Variants in TRANK1 observed in about 807,000 individuals in gnomAD.
The protein encoded by TRANK1 is tetratricopeptide repeat and ankyrin repeat containing 1.
Under a neutral mutation model 266.0 loss-of-function variants are expected in TRANK1, and 198 were observed. The ratio of observed to expected loss-of-function variants is 0.74; its 90% confidence interval spans 0.66 to 0.84. The LOEUF is 0.84. Among genes scored for constraint, TRANK1 ranks in the 40% least tolerant of loss-of-function variants. The pLI is 0.00. For missense variants in TRANK1, 3,326 were observed against 3,634.6 expected, an observed-to-expected ratio of 0.92 and a Z score of 2.18; for synonymous variants, 1,396 against 1,384.1, an observed-to-expected ratio of 1.01 and a Z score of -0.19.
In TRANK1 at chr3:36,856,238, C is replaced by A. The variant is rs747615611; in HGVS notation, c.3484G>T (p.Ala1162Ser). Residue 1162 changes from alanine to serine, a missense_variant, in exon 13 of 24, where the codon GCA (alanine) becomes TCA (serine). By Grantham distance (99) the Ala-to-Ser change is moderately conservative (BLOSUM62 1). Transcript: ENST00000645898. ...GCTGGCTCCACACCGGCTCCTCCTG[C>A]GCAGGCTTCATACTCCTGCTCATCT... Reference protein sequence around the residue: ...SIDEQEYEACAGGAGVEPAGD... With the variant: ...SIDEQEYEACSGGAGVEPAGD... 1 of 1,613,322 alleles carries A rather than the reference C, an allele frequency of 6.2e-7. No homozygotes were observed. Among genetic ancestry groups the A allele is most frequent in the Non-Finnish European group, 8.5e-7 (1 of 1,179,514 alleles).
At chr3:36,927,169 G>C (rs1016447114) in intron 1 of TRANK1, among the ~76,000 whole-genome samples, 9 of 152,224 alleles carry the variant, frequency 5.9e-5, no homozygotes, top group Admixed American at 3.9e-4. Context: ...CAGGGACTGA[G>C]GCCCATGTAA....
intron 1 of TRANK1, among the ~76,000 whole-genome samples, chr3:36,934,012 A>G (rs558981613): frequency 6.6e-6 from 1 of 152,048 alleles, no homozygotes; most frequent in South Asian, 2.1e-4. Context: ...GCCCTAAGAA[A>G]CCCTTTTCAG....
At chr3:36,932,699 GTA>G (rs1244990215) in intron 1 of TRANK1, among the ~76,000 whole-genome samples, 1 of 152,358 alleles carries the variant, frequency 6.6e-6, no homozygotes, top group East Asian at 1.9e-4. Flanking sequence ...GCTTAAGGAT[GTA>G]TGTGTGTGTG....
At chr3:36,845,682 A>G (rs1249056853) in intron 17 of TRANK1, among the ~76,000 whole-genome samples, 5 of 152,192 alleles carry the variant, frequency 3.3e-5, no homozygotes, top group Non-Finnish European at 7.3e-5. Flanking sequence ...ATCTTTCCTT[A>G]GCAGTAAATG....
At chr3:36,897,713 G>A (rs1481642578) in intron 4 of TRANK1, among the ~76,000 whole-genome samples, 1 of 152,234 alleles carries the variant, frequency 6.6e-6, no homozygotes, top group African/African-American at 2.4e-5. Context: ...AAATCAGGAT[G>A]TCTTACAATC....
intron 8 of TRANK1, among the ~76,000 whole-genome samples, chr3:36,883,071 G>GA (rs2079553184): frequency 6.6e-6 from 1 of 151,922 alleles, no homozygotes; most frequent in African/African-American, 2.4e-5. Flanking sequence ...ATGAAAAGTT[G>GA]ATAATATCTA....
At position 36,917,235 on chromosome 3, in the gene TRANK1, T is replaced by C. The variant is rs140690822; in HGVS notation, c.24-8781A>G. ...TACCACTGCATCTAATGGGGCAAAG[T>C]ATATGCTCTATAAAGCACATAAATT... On this transcript the variant is annotated intron_variant, in intron 1 of 23. Coordinates refer to ENST00000645898, the MANE Select transcript of TRANK1 (RefSeq NM_001329998.2). Among the ~76,000 whole-genome samples, 47 of 152,314 alleles carry C rather than the reference T, an allele frequency of 3.1e-4. No homozygotes were observed. In the East Asian group the frequency reaches 6.4e-3, roughly 21 times the overall value.
chr3:36,858,864 T>C lies in TRANK1; in HGVS notation c.1526A>G (p.Glu509Gly). Residue 509 changes from glutamate to glycine, a missense_variant, in exon 12 of 24, where the codon GAG (glutamate) becomes GGG (glycine). Glu to Gly is a moderately conservative substitution (Grantham distance 98, BLOSUM62 -2). Transcript: ENST00000645898. Reference protein sequence around the residue: ...ALPDGLQESQERPVVTCLKHE... With the variant: ...ALPDGLQESQGRPVVTCLKHE... ...TTTCAGGCACGTGACAACTGGCCTC[T>C]CCTGGCTCTCCTGAAGACCATCAGG... The C allele has an allele frequency of 6.5e-7, 1 of 1,536,804 alleles. No homozygotes were observed. The highest frequency in any genetic ancestry group is 1.2e-5 in the South Asian group (1 of 83,986).
In TRANK1 at chr3:36,861,071, C is replaced by T; in HGVS notation, c.1330G>A (p.Val444Met). The change falls in exon 11 of 24, where the codon GTG (valine) becomes ATG (methionine). Residue 444 changes from valine to methionine, a missense_variant. Physicochemically the swap from Val to Met is conservative, Grantham distance 21. Transcript: ENST00000645898. ...ACTTTGCGGGTCAGCAGCAGAAGCA[C>T]CTCAGGCCATCTCTGTTTTTCCAAT... is the stretch of plus-strand genomic sequence containing the variant. ...FLLEKQRWPE[V>M]LLLLTRKVSG... 1.3e-6 allele frequency: 2 copies of T among 1,537,694 alleles called. No individual in the cohort carries two copies. The highest frequency in any genetic ancestry group is 1.7e-6 in the Non-Finnish European group (2 of 1,146,998).
intron 10 of TRANK1, among the ~76,000 whole-genome samples, chr3:36,861,404 G>C (rs2079140328): frequency 6.6e-6 from 1 of 152,162 alleles, no homozygotes; most frequent in African/African-American, 2.4e-5. Context: ...AATGATGACT[G>C]TGTCTTAACG....
rs907189776 is a variant in TRANK1 at position 36,827,654 on chromosome 3, A to C, written c.*621T>G. On this transcript the variant is annotated 3_prime_UTR_variant, in exon 24 of 24. Coordinates refer to ENST00000645898, the MANE Select transcript of TRANK1 (RefSeq NM_001329998.2). ...TTGGCACAGGTAGCTAAGAATGATC[A>C]CAAAAAACAGAAGAAGGGAAGGCAG... The C allele has an allele frequency of 6.6e-6, 1 of 152,516 alleles. No homozygotes were observed. Among genetic ancestry groups the C allele is most frequent in the Non-Finnish European group, 1.5e-5 (1 of 68,066 alleles). 9.4% of individuals were successfully genotyped at this position (152,516 alleles called of 1,614,324 possible).
At chr3:36,895,598 A>G (rs941486362) in intron 5 of TRANK1, 42 bp downstream of exon 5, 1 of 1,211,126 alleles carries the variant, frequency 8.3e-7, no homozygotes, top group African/African-American at 1.5e-5. Flanking sequence ...TCATTTCATC[A>G]AGAATGTACT....
chr3:36,903,099 C>A, intron 3 of TRANK1, 50 bp downstream of exon 3: 1 of 1,519,610 alleles, frequency 6.6e-7, no homozygotes. Flanking sequence ...CATCCACCAC[C>A]CCAATACTCT....
Position 36,831,430 on chromosome 3 carries a change from G to C in TRANK1, c.8153C>G (p.Ser2718Cys), listed in dbSNP as rs1210831666. The change falls in exon 22 of 24, where the codon TCC (serine) becomes TGC (cysteine). Residue 2718 changes from serine to cysteine, a missense_variant. Coordinates refer to ENST00000645898, the MANE Select transcript of TRANK1 (RefSeq NM_001329998.2). The surrounding 1 kb of genome is among the most constrained non-coding windows in gnomAD (Gnocchi z 5.0). ...TGCCCTCCTCAACTTCCGCTGTATG[G>C]AGGCCTTCCGTTGCTTTTGGGAAAG... ...TILSQKQRKASIQRKLRRACL... is the reference protein window; with the variant it reads ...TILSQKQRKACIQRKLRRACL... The C allele has an allele frequency of 6.2e-7, 1 of 1,612,964 alleles. No homozygotes were observed. The highest frequency in any genetic ancestry group is 1.1e-5 in the South Asian group (1 of 90,824).
chr3:36,838,818 G>A, intron 18 of TRANK1, 102 bp from the exon 19 acceptor site: 1 of 1,176,194 alleles, frequency 8.5e-7, no homozygotes, highest in Non-Finnish European at 1.2e-6. Context: ...AAAACATGAA[G>A]TCTTGCTCCA....
chr3:36,835,340 A>T (rs866567517), intron 20 of TRANK1, among the ~76,000 whole-genome samples: 1 of 150,354 alleles, frequency 6.7e-6, no homozygotes, highest in South Asian at 2.1e-4. Context: ...AAAAAAAAAA[A>T]AAAAACCCTG....
rs1278324969 is a variant in TRANK1, at chr3:36,827,255, T to C, written c.*1020A>G. On this transcript the variant is annotated 3_prime_UTR_variant, in exon 24 of 24. Coordinates refer to ENST00000645898, the MANE Select transcript of TRANK1 (RefSeq NM_001329998.2). ...AAACGGGCCCAGATCCGCCCTCTTA[T>C]AAGGCCTGCCAGCCAAGTGGCAGTG... 6.6e-6 allele frequency: 1 copy of C among 152,266 alleles called. No individual in the cohort carries two copies. The highest frequency in any genetic ancestry group is 2.4e-5 in the African/African-American group (1 of 41,460). 9.4% of individuals were successfully genotyped at this position (152,266 alleles called of 1,614,324 possible).
intron 8 of TRANK1, among the ~76,000 whole-genome samples, chr3:36,887,448 T>C (rs556735733): frequency 1.3e-5 from 2 of 152,334 alleles, no homozygotes; most frequent in South Asian, 2.1e-4. Context: ...AAAAATAAAA[T>C]ATAATAACGT....
At chr3:36,890,302 G>A (rs1440375759) in intron 7 of TRANK1, among the ~76,000 whole-genome samples, 1 of 152,220 alleles carries the variant, frequency 6.6e-6, no homozygotes, top group Non-Finnish European at 1.5e-5. Context: ...GGACAGGTAG[G>A]GGAAGCAGCT....
Sources: gnomAD v4.1 joint callset for allele counts (sites outside exome capture counted in the v4.1 genomes callset) on GRCh38, gnomAD v4.1.1 for gene constraint, Gnocchi (gnomAD v3.1) non-coding constraint, MANE v1.5 for transcripts, NCBI Gene and HGNC (gene_info 2026-07-23, HGNC 2026-07-21) for gene names.